Variants in LDB2 observed in about 807,000 individuals in gnomAD.
The protein encoded by LDB2 is LIM domain-binding protein 2.
Under a neutral mutation model 44.3 loss-of-function variants are expected in LDB2, and 12 were observed. The ratio of observed to expected loss-of-function variants is 0.27; its 90% CI spans 0.17 to 0.44. LDB2 has a LOEUF of 0.44. LDB2 is among the 20% of genes least tolerant of loss of function. The pLI is 1.00. For synonymous variants in LDB2, 164 were observed against 174.8 expected, an observed-to-expected ratio of 0.94 and a Z score of 0.49; for missense variants, 344 against 473.5, an observed-to-expected ratio of 0.73 and a Z score of 2.54.
At chr4:16,591,109 A>T (rs1718775910) in intron 3 of LDB2, among the ~76,000 whole-genome samples, 1 of 152,208 alleles carries the variant, frequency 6.6e-6, no homozygotes. Flanking sequence ...GGGGGAGATT[A>T]TTGGATATTT....
chr4:16,513,058 AT>A (rs1353447261), intron 5 of LDB2, among the ~76,000 whole-genome samples: 3 of 152,312 alleles, frequency 2.0e-5, no homozygotes, highest in East Asian at 3.9e-4. Flanking sequence ...GTGAAAAAGC[AT>A]CACCTTTTAT....
intron 7 of LDB2, among the ~76,000 whole-genome samples, chr4:16,507,482 G>T (rs1719967115): frequency 6.6e-6 from 1 of 152,148 alleles, no homozygotes; most frequent in South Asian, 2.1e-4. Context: ...GCACATGGAA[G>T]CGATGGAGCA....
At chr4:16,756,836 A>G (rs1766765464) in intron 2 of LDB2, among the ~76,000 whole-genome samples, 1 of 152,038 alleles carries the variant, frequency 6.6e-6, no homozygotes, top group South Asian at 2.1e-4. Flanking sequence ...TATAGACCCA[A>G]AAGGACCCCC....
chr4:16,778,803 A>C (rs533696556), intron 1 of LDB2, among the ~76,000 whole-genome samples: 5 of 152,330 alleles, frequency 3.3e-5, no homozygotes, highest in African/African-American at 1.2e-4. Context: ...GAGGCTAGAA[A>C]AGCTTAGCAA....
chr4:16,797,497 A>G (rs1776959222), intron 1 of LDB2, among the ~76,000 whole-genome samples: 1 of 152,166 alleles, frequency 6.6e-6, no homozygotes, highest in Non-Finnish European at 1.5e-5. Context: ...AAAAAAAATA[A>G]ATGATGTCTT....
At chr4:16,764,908 A>C (rs991975210) in intron 1 of LDB2, among the ~76,000 whole-genome samples, 1 of 152,178 alleles carries the variant, frequency 6.6e-6, no homozygotes, top group African/African-American at 2.4e-5. Flanking sequence ...GTTTCCGCTA[A>C]AGTTTAGAGG....
At chr4:16,827,965 C>T (rs1376062852) in intron 1 of LDB2, among the ~76,000 whole-genome samples, 2 of 152,126 alleles carry the variant, frequency 1.3e-5, no homozygotes, top group African/African-American at 4.8e-5. Context: ...TTGGTTGTTG[C>T]CACTTTTGTA....
chr4:16,777,553 C>A (rs1352860680), intron 1 of LDB2, among the ~76,000 whole-genome samples: 1 of 152,140 alleles, frequency 6.6e-6, no homozygotes, highest in Non-Finnish European at 1.5e-5. Flanking sequence ...GATGTGGGTT[C>A]TTTTCCTACA....
intron 5 of LDB2, among the ~76,000 whole-genome samples, chr4:16,556,696 C>T (rs990995439): frequency 2.0e-5 from 3 of 152,100 alleles, no homozygotes; most frequent in East Asian, 1.9e-4. Context: ...GAACCTATGC[C>T]GTTAAAAGTT....
At chr4:16,567,140 C>T (rs917627791) in intron 5 of LDB2, among the ~76,000 whole-genome samples, 5 of 152,114 alleles carry the variant, frequency 3.3e-5, no homozygotes, top group Admixed American at 6.6e-5. Context: ...GAAATTTCTC[C>T]TACATATTTA....
At chr4:16,517,502 C>T (rs1300762506) in intron 5 of LDB2, among the ~76,000 whole-genome samples, 1 of 152,202 alleles carries the variant, frequency 6.6e-6, no homozygotes, top group Non-Finnish European at 1.5e-5. Flanking sequence ...CCAAAGACAA[C>T]ATGTCTGCAA....
chr4:16,824,571 T>C (rs149399317), intron 1 of LDB2, among the ~76,000 whole-genome samples: 1 of 152,348 alleles, frequency 6.6e-6, no homozygotes, highest in African/African-American at 2.4e-5. Flanking sequence ...GCTTTTCACT[T>C]AAGTGTCTTT....
intron 1 of LDB2, among the ~76,000 whole-genome samples, chr4:16,875,151 C>T (rs1461344514): frequency 1.3e-5 from 2 of 152,070 alleles, no homozygotes; most frequent in African/African-American, 4.8e-5. Flanking sequence ...GAATCAATAG[C>T]AGCTGGGGAA....
At chr4:16,818,966 C>G (rs1163208375) in intron 1 of LDB2, among the ~76,000 whole-genome samples, 2 of 152,122 alleles carry the variant, frequency 1.3e-5, no homozygotes. Context: ...CTGAATGTGA[C>G]TTGAAATCAG....
chr4:16,555,479 G>T (rs1739242190), intron 5 of LDB2, among the ~76,000 whole-genome samples: 1 of 152,068 alleles, frequency 6.6e-6, no homozygotes, highest in African/African-American at 2.4e-5. Flanking sequence ...ACAAACATGT[G>T]CTTGCATGCA....
At chr4:16,770,102 A>G (rs1579502367) in intron 1 of LDB2, among the ~76,000 whole-genome samples, 4 of 152,204 alleles carry the variant, frequency 2.6e-5, no homozygotes. Flanking sequence ...CTCAGTGTGT[A>G]TGTGCCAACA....
intron 1 of LDB2, among the ~76,000 whole-genome samples, chr4:16,826,012 T>C (rs1166531107): frequency 6.6e-6 from 1 of 151,680 alleles, no homozygotes; most frequent in African/African-American, 2.4e-5. Context: ...ATTATTTATG[T>C]ATAAATTAAT....
At chr4:16,519,776 A>C (rs549132680) in intron 5 of LDB2, among the ~76,000 whole-genome samples, 4 of 151,868 alleles carry the variant, frequency 2.6e-5, no homozygotes, top group African/African-American at 9.6e-5. Flanking sequence ...GGATAATACT[A>C]CTTATCTCTG....
intron 5 of LDB2, among the ~76,000 whole-genome samples, chr4:16,531,999 T>A (rs1242407366): frequency 6.6e-6 from 1 of 151,886 alleles, no homozygotes; most frequent in Non-Finnish European, 1.5e-5. Flanking sequence ...AATAAAAGGC[T>A]TTTTCTGAGG....
Sources: allele counts gnomAD v4.1 joint callset (sites outside exome capture counted in the v4.1 genomes callset), GRCh38; gene constraint gnomAD v4.1.1; transcripts MANE v1.5; gene names NCBI Gene and HGNC (gene_info 2026-07-23, HGNC 2026-07-21).